The following PTPRD variants were observed in gnomAD, a reference collection of about 807,000 sequenced individuals.
The protein encoded by PTPRD is receptor-type tyrosine-protein phosphatase delta.
A neutral mutation model predicts 214.5 loss-of-function variants in PTPRD; 34 were observed. The ratio of observed to expected loss-of-function variants is 0.16; its 90% confidence interval spans 0.12 to 0.21. PTPRD has a LOEUF of 0.21. Ranked by LOEUF, PTPRD falls within the 10% of genes least tolerant of loss-of-function variation. PTPRD has a pLI of 1.00. For synonymous variants in PTPRD, 1,128 were observed against 845.7 expected (o/e 1.33, Z -5.79); for missense variants, 2,545 against 2,398.7 (o/e 1.06, Z -1.27).
intron 7 of PTPRD, among the ~76,000 whole-genome samples, chr9:9,679,121 G>GAAAA (rs35030963): frequency 7.1e-6 from 1 of 141,438 alleles, no homozygotes; most frequent in African/African-American, 2.6e-5. Flanking sequence ...GAAAAAGGGG[G>GAAAA]AAAAAAAAAA....
At chr9:10,223,070 C>T (rs2099576652) in intron 3 of PTPRD, among the ~76,000 whole-genome samples, 1 of 151,666 alleles carries the variant, frequency 6.6e-6, no homozygotes, top group Non-Finnish European at 1.5e-5. Context: ...TAATATTGTT[C>T]ATCCTCTCTT....
At chr9:9,889,329 C>T (rs2072303122) in intron 5 of PTPRD, among the ~76,000 whole-genome samples, 1 of 152,090 alleles carries the variant, frequency 6.6e-6, no homozygotes, top group Non-Finnish European at 1.5e-5. Context: ...TAGATTTAGT[C>T]ATTCCACAAT....
chr9:9,813,432 AAG>A (rs2153549632), intron 5 of PTPRD, among the ~76,000 whole-genome samples: 1 of 152,138 alleles, frequency 6.6e-6, no homozygotes, highest in Non-Finnish European at 1.5e-5. Flanking sequence ...TTAGAAATGA[AAG>A]AGAAGATCTA....
rs184247797 is a variant in PTPRD, at chr9:9,339,404, T to C, written c.-203+58045A>G. On this transcript the variant is annotated intron_variant, in intron 9 of 45. Coordinates refer to ENST00000381196, the MANE Select transcript of PTPRD (RefSeq NM_002839.4). ...GGGAGGCTGAGGCAGGAGAATGGTG[T>C]GAACCTGAGAGGAGGAGCTTGCAGT... Among the ~76,000 whole-genome samples the C allele has an allele frequency of 5.4e-3, 826 of 151,998 alleles. 5 individuals carry two copies. Among genetic ancestry groups the C allele is most frequent in the Admixed American group, 7.7e-3 (118 of 15,276 alleles).
At chr9:9,313,077 G>A (rs547224610) in intron 9 of PTPRD, among the ~76,000 whole-genome samples, 4 of 151,928 alleles carry the variant, frequency 2.6e-5, no homozygotes, top group Non-Finnish European at 4.4e-5. Flanking sequence ...GATGCATTTG[G>A]GGTCTTTATT....
chr9:8,888,862 G>C (rs1345893512), intron 11 of PTPRD, among the ~76,000 whole-genome samples: 2 of 152,152 alleles, frequency 1.3e-5, no homozygotes, highest in Non-Finnish European at 2.9e-5. Flanking sequence ...CAAGGTTATT[G>C]TACTTATTAA....
intron 11 of PTPRD, among the ~76,000 whole-genome samples, chr9:8,780,728 G>A (rs915572945): frequency 6.6e-6 from 1 of 152,152 alleles, no homozygotes; most frequent in Non-Finnish European, 1.5e-5. Flanking sequence ...TCAAGGCCAA[G>A]AAATATTCTA....
intron 3 of PTPRD, among the ~76,000 whole-genome samples, chr9:10,167,187 G>T (rs1445318158): frequency 6.6e-6 from 1 of 151,186 alleles, no homozygotes; most frequent in East Asian, 1.9e-4. Flanking sequence ...AGCCTGATGT[G>T]TATTTCAGAG....
chr9:10,262,987 G>T (rs1381383370), intron 3 of PTPRD, among the ~76,000 whole-genome samples: 2 of 152,102 alleles, frequency 1.3e-5, no homozygotes, highest in East Asian at 1.9e-4. Flanking sequence ...AGATCTGATG[G>T]TTTTAAAAGG....
intron 2 of PTPRD, among the ~76,000 whole-genome samples, chr9:10,382,873 T>C (rs531509356): frequency 6.7e-4 from 102 of 151,964 alleles, no homozygotes; most frequent in African/African-American, 2.0e-3. Flanking sequence ...AAGCTTCTGA[T>C]AGAATCTTCC....
intron 3 of PTPRD, among the ~76,000 whole-genome samples, chr9:10,330,348 T>C (rs969625622): frequency 6.6e-6 from 1 of 151,780 alleles, no homozygotes; most frequent in East Asian, 2.0e-4. Flanking sequence ...GAGCAGAGAA[T>C]AAAGGCAAGT....
chr9:8,434,479 A>T (rs2095258736), intron 35 of PTPRD, among the ~76,000 whole-genome samples: 1 of 152,148 alleles, frequency 6.6e-6, no homozygotes, highest in Non-Finnish European at 1.5e-5. Context: ...TCACCCAAGA[A>T]CACATTTCTC....
chr9:9,862,657 T>C (rs1450107729), intron 5 of PTPRD, among the ~76,000 whole-genome samples: 1 of 145,800 alleles, frequency 6.9e-6, no homozygotes, highest in Non-Finnish European at 1.5e-5. Flanking sequence ...CTTGTTGTGG[T>C]GTGTTGAGCT....
intron 3 of PTPRD, among the ~76,000 whole-genome samples, chr9:10,120,785 G>C (rs2098768514): frequency 6.6e-6 from 1 of 151,976 alleles, no homozygotes; most frequent in Non-Finnish European, 1.5e-5. Flanking sequence ...AAAGCAGAGA[G>C]CTTTCTCTGA....
At chr9:9,124,529 TA>T (rs1176984931) in intron 10 of PTPRD, among the ~76,000 whole-genome samples, 1 of 152,058 alleles carries the variant, frequency 6.6e-6, no homozygotes, top group African/African-American at 2.4e-5. Flanking sequence ...ATTATAAGAC[TA>T]AAAACAATCA....
At chr9:10,063,012 A>C (rs929594946) in intron 3 of PTPRD, among the ~76,000 whole-genome samples, 1 of 152,096 alleles carries the variant, frequency 6.6e-6, no homozygotes, top group African/African-American at 2.4e-5. Flanking sequence ...AAGACTGTGG[A>C]AACAGAACAC....
At chr9:8,929,837 A>ATATGTG (rs2098936430) in intron 11 of PTPRD, among the ~76,000 whole-genome samples, 2 of 117,266 alleles carry the variant, frequency 1.7e-5, no homozygotes, top group South Asian at 3.0e-4. Context: ...ATATGTGTAT[A>ATATGTG]TATATGTGTG....
intron 11 of PTPRD, among the ~76,000 whole-genome samples, chr9:8,852,449 C>G (rs573466778): frequency 6.6e-6 from 1 of 152,278 alleles, no homozygotes; most frequent in South Asian, 2.1e-4. Context: ...AAGAGAAAGC[C>G]TTGACTCAGA....
intron 7 of PTPRD, among the ~76,000 whole-genome samples, chr9:9,594,273 A>C (rs2093058457): frequency 6.6e-6 from 1 of 152,024 alleles, no homozygotes; most frequent in Non-Finnish European, 1.5e-5. Flanking sequence ...GAGTTAATTT[A>C]AAATATTCCT....
Sources: gnomAD v4.1 joint callset for allele counts (sites outside exome capture counted in the v4.1 genomes callset) on GRCh38, gnomAD v4.1.1 for gene constraint, MANE v1.5 for transcripts, NCBI Gene and HGNC (gene_info 2026-07-23, HGNC 2026-07-21) for gene names.